Variants in NEK5 observed in about 807,000 individuals in gnomAD.
NEK5 encodes the protein NIMA related kinase 5, also known as serine/threonine-protein kinase Nek5.
A neutral mutation model predicts 109.2 loss-of-function variants in NEK5; 88 were observed. That is an observed-to-expected ratio of 0.81 (90% CI 0.68 to 0.96). The LOEUF is 0.96. NEK5 is among the 40% of genes least tolerant of loss of function. The probability of loss-of-function intolerance (pLI) is 0.00; values close to 1 mark genes in which losing one functional copy is unlikely to be tolerated. For synonymous variants in NEK5, 283 were observed against 299.9 expected, an observed-to-expected ratio of 0.94 and a Z score of 0.58; for missense variants, 834 against 920.7, an observed-to-expected ratio of 0.91 and a Z score of 1.22.
chr13:52,107,892 T>C (rs1402734915), intron 8 of NEK5, among the ~76,000 whole-genome samples: 2 of 152,146 alleles, frequency 1.3e-5, no homozygotes, highest in African/African-American at 4.8e-5. Flanking sequence ...TTAAGTAAGC[T>C]TACTGAGGCT....
intron 20 of NEK5, among the ~76,000 whole-genome samples, chr13:52,069,631 A>G (rs1954753415): frequency 6.6e-6 from 1 of 152,140 alleles, no homozygotes; most frequent in African/African-American, 2.4e-5. Flanking sequence ...CATGTGATGT[A>G]TTTTTGGTTG....
intron 23 of NEK5, among the ~76,000 whole-genome samples, chr13:52,047,028 A>G (rs576283166): frequency 1.3e-5 from 2 of 152,206 alleles, no homozygotes; most frequent in South Asian, 4.1e-4. Flanking sequence ...AGAAATGCCA[A>G]TTAAAACTAT....
At chr13:52,045,986 G>T (rs1954455495) in intron 23 of NEK5, among the ~76,000 whole-genome samples, 1 of 148,480 alleles carries the variant, frequency 6.7e-6, no homozygotes, top group Non-Finnish European at 1.5e-5. Flanking sequence ...CAGGAGAATC[G>T]CTTGAACCCA....
intron 3 of NEK5, among the ~76,000 whole-genome samples, chr13:52,125,401 A>C (rs1197472831): frequency 6.6e-6 from 1 of 152,148 alleles, no homozygotes; most frequent in Non-Finnish European, 1.5e-5. Flanking sequence ...GTCTCTACTA[A>C]AAATACAAAA....
intron 3 of NEK5, among the ~76,000 whole-genome samples, chr13:52,125,817 G>A (rs1179191598): frequency 6.6e-6 from 1 of 152,086 alleles, no homozygotes; most frequent in East Asian, 1.9e-4. Context: ...AAGAGAGTGA[G>A]CAGAATAATG....
At chr13:52,073,626 A>G (rs184119083) in intron 19 of NEK5, among the ~76,000 whole-genome samples, 13 of 152,214 alleles carry the variant, frequency 8.5e-5, no homozygotes, top group African/African-American at 3.1e-4. Context: ...TTGAGCACCA[A>G]ACATTTTTCT....
chr13:52,093,259 T>C (rs1464936312), intron 12 of NEK5, 24 bp from the exon 13 acceptor site: 2 of 1,588,514 alleles, frequency 1.3e-6, no homozygotes, highest in Non-Finnish European at 1.7e-6. Flanking sequence ...GAGGGGATGT[T>C]TTTAAAAACC....
intron 23 of NEK5, among the ~76,000 whole-genome samples, chr13:52,040,897 G>A (rs1954407896): frequency 6.6e-6 from 1 of 152,106 alleles, no homozygotes; most frequent in Non-Finnish European, 1.5e-5. Flanking sequence ...TCAAATCTAT[G>A]GTTATAAATG....
chr13:52,064,478 G>T (rs758159875), intron 21 of NEK5, among the ~76,000 whole-genome samples: 2 of 145,550 alleles, frequency 1.4e-5, no homozygotes, highest in East Asian at 4.3e-4. Flanking sequence ...CCGGCCAGCC[G>T]CCCCGTCTGG....
intron 16 of NEK5, among the ~76,000 whole-genome samples, chr13:52,083,885 G>T (rs745822046): frequency 6.6e-6 from 1 of 152,088 alleles, no homozygotes; most frequent in Non-Finnish European, 1.5e-5. Context: ...TCCCAGATCA[G>T]CCTTAGACAT....
At chr13:52,092,901 A>G (rs757646467) in intron 13 of NEK5, among the ~76,000 whole-genome samples, 153 bp downstream of exon 13, 4 of 152,242 alleles carry the variant, frequency 2.6e-5, no homozygotes, top group Admixed American at 1.3e-4. Context: ...AAACAAAAGA[A>G]AAAGGTCAAG....
chr13:52,124,432 C>G (rs1290762006), intron 3 of NEK5, among the ~76,000 whole-genome samples: 1 of 152,202 alleles, frequency 6.6e-6, no homozygotes. Flanking sequence ...TTTACACTTA[C>G]TATTTTCTCA....
chr13:52,080,882 GATCA>G (rs1302208798), intron 17 of NEK5, among the ~76,000 whole-genome samples: 5 of 105,682 alleles, frequency 4.7e-5, no homozygotes, highest in Non-Finnish European at 8.4e-5. Flanking sequence ...ACCCAAGAAT[GATCA>G]ATTAAAAAAA....
intron 3 of NEK5, among the ~76,000 whole-genome samples, chr13:52,120,382 G>T (rs1186541646): frequency 4.0e-5 from 6 of 151,780 alleles, no homozygotes; most frequent in Non-Finnish European, 8.8e-5. Context: ...TTATTTAAAA[G>T]AATATTATAA....
intron 22 of NEK5, among the ~76,000 whole-genome samples, chr13:52,055,571 G>A (rs1954546925): frequency 6.6e-6 from 1 of 152,174 alleles, no homozygotes; most frequent in Non-Finnish European, 1.5e-5. Flanking sequence ...TATCCTCAAA[G>A]GGAAGCCCAT....
intron 17 of NEK5, among the ~76,000 whole-genome samples, chr13:52,079,434 C>A (rs1035543992): frequency 5.3e-5 from 8 of 152,140 alleles, no homozygotes; most frequent in Admixed American, 4.6e-4. Context: ...CGAGTGCCTG[C>A]GATTGCAGGG....
At chr13:52,059,808 G>A (rs542433046) in intron 22 of NEK5, among the ~76,000 whole-genome samples, 1 of 151,422 alleles carries the variant, frequency 6.6e-6, no homozygotes, top group East Asian at 1.9e-4. Context: ...CTGTTGTGGG[G>A]TGGGGGGACG....
chr13:52,072,134 T>G, intron 19 of NEK5, 64 bp from the exon 20 acceptor site: 1 of 1,367,348 alleles, frequency 7.3e-7, no homozygotes, highest in Non-Finnish European at 1.0e-6. Flanking sequence ...AAAAACCATA[T>G]TTTCGTGTTC....
At chr13:52,112,422 T>A in intron 4 of NEK5, 57 bp from the exon 5 acceptor site, 1 of 1,155,268 alleles carries the variant, frequency 8.7e-7, no homozygotes, top group Non-Finnish European at 1.3e-6. Flanking sequence ...ATCAGCCATG[T>A]TCTGGCTGTG....
Sources: gnomAD v4.1 joint callset for allele counts (sites outside exome capture counted in the v4.1 genomes callset) on GRCh38, gnomAD v4.1.1 for gene constraint, MANE v1.5 for transcripts, NCBI Gene and HGNC (gene_info 2026-07-23, HGNC 2026-07-21) for gene names.